Variants in FAM107A observed in about 807,000 individuals in gnomAD.
The protein encoded by FAM107A is family with sequence similarity 107 member A, also known as actin-associated protein FAM107A.
FAM107A carries 19 observed loss-of-function variants against 13.7 expected under a neutral mutation model. The ratio of observed to expected loss-of-function variants is 1.38; its 90% CI spans 0.97 to 2.03. The LOEUF is 2.03. FAM107A is among the 30% of genes most tolerant of loss of function. The pLI, the probability that FAM107A is intolerant of heterozygous loss-of-function variation, is 0.00. For synonymous variants in FAM107A, 82 were observed against 74.5 expected (o/e 1.10, Z -0.52); for missense variants, 203 against 184.4 (o/e 1.10, Z -0.58).
At chr3:58,595,411 G>C (rs901336841) in intron 1 of FAM107A, among the ~76,000 whole-genome samples, 2 of 152,120 alleles carry the variant, frequency 1.3e-5, no homozygotes, top group Non-Finnish European at 2.9e-5. Flanking sequence ...TCCACCATTT[G>C]ATTTGTTCCT....
At chr3:58,627,107 CT>C (rs1385035245) in intron 1 of FAM107A, 57 of 1,041,344 alleles carry the variant, frequency 5.5e-5, no homozygotes, top group African/African-American at 3.2e-5. Context: ...CGAGGGCCCC[CT>C]GTCCTCTTGC....
chr3:58,567,339 C>T lies in FAM107A; in HGVS notation c.196G>A (p.Glu66Lys). 1 of 1,611,648 alleles carries T rather than the reference C, an allele frequency of 6.2e-7. No individual in the cohort carries two copies. The highest frequency in any genetic ancestry group is 8.5e-7 in the Non-Finnish European group (1 of 1,179,298). Residue 66 changes from glutamate to lysine, a missense_variant, in exon 3 of 4, where the codon GAG (glutamate) becomes AAG (lysine). Coordinates refer to ENST00000360997, the MANE Select transcript of FAM107A (RefSeq NM_001076778.3). Reference protein sequence around the residue: ...RRGLGVDSKPELQRVLEHRRR... With the variant: ...RRGLGVDSKPKLQRVLEHRRR... ...CGGTGCTCTAGGACACGCTGCAGCT[C>T]TGGCTTGCTGTCCACACCAAGGCCC...
At chr3:58,620,432 C>A (rs2065943258) in intron 1 of FAM107A, among the ~76,000 whole-genome samples, 1 of 152,194 alleles carries the variant, frequency 6.6e-6, no homozygotes, top group Admixed American at 6.5e-5. Flanking sequence ...TATCTAAGCC[C>A]CTCACCCCAT....
chr3:58,582,908 C>G lies in FAM107A; in HGVS notation c.79+3950G>C, dbSNP rs762012484. Among the ~76,000 whole-genome samples, 135 of 152,198 alleles carry G rather than the reference C, an allele frequency of 8.9e-4. 2 individuals are homozygous for G. The highest frequency in any genetic ancestry group is 4.6e-4 in the Admixed American group (7 of 15,282). ...CTGCCTCCCGGGTTCAAGTGATTCT[C>G]CCACCTCAGCCTCCCGAGTAGCTGG... On this transcript the variant is annotated intron_variant, in intron 1 of 3. Coordinates refer to the FAM107A transcript ENST00000447756.
chr3:58,611,612 C>A (rs914968234), intron 1 of FAM107A, among the ~76,000 whole-genome samples: 3 of 152,326 alleles, frequency 2.0e-5, no homozygotes, highest in South Asian at 4.1e-4. Flanking sequence ...GGAACCCCAC[C>A]CACTGCACTG....
chr3:58,592,726 G>A (rs1489483456), intron 1 of FAM107A, among the ~76,000 whole-genome samples: 1 of 152,176 alleles, frequency 6.6e-6, no homozygotes, highest in Non-Finnish European at 1.5e-5. Context: ...ACCTCACCAA[G>A]CTCAGCCTCC....
upstream of FAM107A, among the ~76,000 whole-genome samples, chr3:58,589,489 CT>C (rs2065638249): frequency 6.6e-6 from 1 of 152,028 alleles, no homozygotes; most frequent in Admixed American, 6.6e-5. Context: ...GACTCATGCT[CT>C]TTTTTAAAAA....
At chr3:58,600,000 T>C (rs1026690393) in intron 1 of FAM107A, among the ~76,000 whole-genome samples, 2 of 151,988 alleles carry the variant, frequency 1.3e-5, no homozygotes, top group Non-Finnish European at 2.9e-5. Context: ...AATATGCGTG[T>C]TATTCTTCGG....
chr3:58,571,380 A>G (rs1202081640), intron 1 of FAM107A, among the ~76,000 whole-genome samples: 2 of 152,208 alleles, frequency 1.3e-5, no homozygotes, highest in Non-Finnish European at 2.9e-5. Context: ...GAGGATAGAC[A>G]TGTTAATTTT....
intron 1 of FAM107A, among the ~76,000 whole-genome samples, chr3:58,610,621 G>T (rs1029113719): frequency 1.3e-5 from 2 of 152,178 alleles, no homozygotes; most frequent in African/African-American, 4.8e-5. Flanking sequence ...GATAACTGAA[G>T]CTGCTTGCAT....
intron 1 of FAM107A, among the ~76,000 whole-genome samples, chr3:58,592,531 T>C (rs1168733979): frequency 2.6e-5 from 4 of 152,200 alleles, no homozygotes; most frequent in Admixed American, 2.6e-4. Flanking sequence ...TTTCTTCCCT[T>C]CTCTCAGACA....
chr3:58,584,384 AG>A (rs2065581137), intron 1 of FAM107A, among the ~76,000 whole-genome samples: 1 of 152,196 alleles, frequency 6.6e-6, no homozygotes. Flanking sequence ...GCAGATGTAC[AG>A]CAGAGATGGG....
In FAM107A at chr3:58,571,172, G is replaced by A. The variant is rs148113677; in HGVS notation, c.-5-1307C>T. 2.6e-3 allele frequency among the ~76,000 whole-genome samples: 391 copies of A among 152,342 alleles called. 3 individuals carry two copies. The highest frequency in any genetic ancestry group is 9.1e-3 in the African/African-American group (379 of 41,576). On this transcript the variant is annotated intron_variant, in intron 1 of 3. Coordinates refer to ENST00000360997, the MANE Select transcript of FAM107A (RefSeq NM_001076778.3). Reference sequence around the variant, plus strand: ...CGGGGTGCACGTTGCAAGGTGATATGTCAGGAATCTGGGCATAAAACAGGA... The same window carrying A: ...CGGGGTGCACGTTGCAAGGTGATATATCAGGAATCTGGGCATAAAACAGGA...
chr3:58,567,314 C>T lies in FAM107A; in HGVS notation c.221G>A (p.Arg74His), dbSNP rs368199171. The stretch of plus-strand genomic sequence containing the variant: ...CTTCTTGATGAGCTGGTTCCGCCGG[C>T]GGTGCTCTAGGACACGCTGCAGCTC... ...KPELQRVLEHRRRNQLIKKKK... is the reference protein window; with the variant it reads ...KPELQRVLEHHRRNQLIKKKK... The change falls in exon 3 of 4, where the codon CGC becomes CAC. Residue 74 changes from arginine to histidine, a missense_variant. By Grantham distance (29) the Arg-to-His change is conservative. Transcript: ENST00000360997. 23 of 1,612,540 alleles carry T rather than the reference C, an allele frequency of 1.4e-5. No homozygotes were observed. The East Asian group carries it at 2.5e-4, about 17-fold the overall frequency.
upstream of FAM107A, among the ~76,000 whole-genome samples, chr3:58,590,708 C>G (rs2065647999): frequency 6.6e-6 from 1 of 152,198 alleles, no homozygotes; most frequent in South Asian, 2.1e-4. Context: ...AACTCACTCA[C>G]TGTCACGAGA....
intron 1 of FAM107A, chr3:58,573,365 C>A (rs2108046745): frequency 6.6e-6 from 1 of 152,336 alleles, no homozygotes; most frequent in South Asian, 2.1e-4. Flanking sequence ...CATGCAGGTC[C>A]TGTTATAAAA....
exon 1 of FAM107A, chr3:58,586,909 G>A (rs1418540235): frequency 1.3e-6 from 2 of 1,532,660 alleles, no homozygotes; most frequent in African/African-American, 2.8e-5. Flanking sequence ...GAGGGCCCCC[G>A]GGCCCACTCG....
chr3:58,606,012 G>A (rs2065791255), intron 1 of FAM107A, among the ~76,000 whole-genome samples: 1 of 152,182 alleles, frequency 6.6e-6, no homozygotes, highest in Non-Finnish European at 1.5e-5. Flanking sequence ...CAACTCCACT[G>A]TATACCTTAA....
chr3:58,577,676 G>C, upstream of FAM107A: 1 of 985,390 alleles, frequency 1.0e-6, no homozygotes, highest in Non-Finnish European at 1.2e-6. This position sits in a 1 kb window ranked among gnomAD's most constrained non-coding sequence, Gnocchi z 4.9. Flanking sequence ...CTCACGTAAA[G>C]GAATTTCCCT....
Sources: gnomAD v4.1 joint callset for allele counts (sites outside exome capture counted in the v4.1 genomes callset) on GRCh38, gnomAD v4.1.1 for gene constraint, Gnocchi (gnomAD v3.1) non-coding constraint, MANE v1.5 for transcripts, NCBI Gene and HGNC (gene_info 2026-07-23, HGNC 2026-07-21) for gene names.